The following DNAH9 variants were observed in gnomAD, a reference collection of about 807,000 sequenced individuals.
DNAH9 encodes the protein dynein axonemal heavy chain 9, also known as DNAH9 variant protein.
In DNAH9, 345 loss-of-function variants were observed where a neutral mutation model predicts 471.6. The observed-to-expected ratio is 0.73, with a 90% CI of 0.67 to 0.80. The LOEUF is 0.80. Among genes scored for constraint, DNAH9 ranks in the 30% least tolerant of loss-of-function variants. DNAH9 has a pLI of 0.00. For missense variants in DNAH9, 5,407 were observed against 5,609.2 expected, an observed-to-expected ratio of 0.96 and a Z score of 1.15; for synonymous variants, 2,093 against 2,123.6, an observed-to-expected ratio of 0.99 and a Z score of 0.40.
At chr17:11,757,810 T>A in intron 35 of DNAH9, 118 bp downstream of exon 35, 1 of 1,117,540 alleles carries the variant, frequency 8.9e-7, no homozygotes, top group Non-Finnish European at 1.3e-6. Flanking sequence ...CCCAGAGCGA[T>A]CTCCTCCAGG....
In DNAH9 at chr17:11,617,533, T is replaced by G; in HGVS notation, c.1027T>G (p.Cys343Gly). The G allele has an allele frequency of 1.2e-6, 2 of 1,614,104 alleles. No homozygotes were observed. Among genetic ancestry groups the G allele is most frequent in the Non-Finnish European group, 1.7e-6 (2 of 1,179,962 alleles). The change falls in exon 5 of 69, where the codon TGT (cysteine) becomes GGT (glycine). Residue 343 changes from cysteine to glycine, a missense_variant. By Grantham distance (159) the Cys-to-Gly change is radical (BLOSUM62 -3). Around this residue, in one of 3 missense-constraint regions of DNAH9, gnomAD observed 767 missense variants for 692.5 expected, o/e 1.11. Transcript: ENST00000262442. ...GCTGCGGCCCCTGCTCCACGTGGTC[T>G]GTCTGATTTGGGCCACATGCAAGTC... Reference protein sequence around the residue: ...PQLRPLLHVVCLIWATCKSYR... With the variant: ...PQLRPLLHVVGLIWATCKSYR...
At chr17:11,816,057 C>T (rs1410205402) in intron 45 of DNAH9, among the ~76,000 whole-genome samples, 1 of 152,144 alleles carries the variant, frequency 6.6e-6, no homozygotes, top group South Asian at 2.1e-4. Flanking sequence ...AGAAGACTTA[C>T]CTTAGGCGTT....
At chr17:11,786,859 G>A (rs2150901934) in intron 41 of DNAH9, among the ~76,000 whole-genome samples, 1 of 152,284 alleles carries the variant, frequency 6.6e-6, no homozygotes, top group Non-Finnish European at 1.5e-5. Context: ...TAGCCTGAGT[G>A]GAAACCCCCT....
At chr17:11,639,747 C>T (rs890862264) in intron 9 of DNAH9, among the ~76,000 whole-genome samples, 1 of 152,154 alleles carries the variant, frequency 6.6e-6, no homozygotes, top group Non-Finnish European at 1.5e-5. Context: ...CAGCAGCTCA[C>T]GCCTGTAATC....
chr17:11,852,752 A>G (rs1284642821), intron 49 of DNAH9, among the ~76,000 whole-genome samples: 2 of 149,284 alleles, frequency 1.3e-5, no homozygotes, highest in Non-Finnish European at 3.0e-5. Context: ...AGAGAAGTGC[A>G]TAGAAGTGCA....
chr17:11,948,919 CT>C, intron 67 of DNAH9, among the ~76,000 whole-genome samples: 1 of 152,308 alleles, frequency 6.6e-6, no homozygotes, highest in East Asian at 1.9e-4. Context: ...TCCCCTGGCC[CT>C]CTGTGGACTG....
At chr17:11,778,359 A>G (rs1046972383) in intron 38 of DNAH9, among the ~76,000 whole-genome samples, 3 of 137,468 alleles carry the variant, frequency 2.2e-5, no homozygotes, top group African/African-American at 5.6e-5. Context: ...AAAAAAAAAA[A>G]AAAGAAAAGG....
chr17:11,796,656 T>G (rs1442762512), intron 42 of DNAH9, among the ~76,000 whole-genome samples: 1 of 152,160 alleles, frequency 6.6e-6, no homozygotes, highest in Non-Finnish European at 1.5e-5. Context: ...AGTCTGAACT[T>G]TAGGAGGAAA....
At chr17:11,857,725 A>C (rs1971676639) in intron 50 of DNAH9, among the ~76,000 whole-genome samples, 1 of 152,154 alleles carries the variant, frequency 6.6e-6, no homozygotes, top group Non-Finnish European at 1.5e-5. Flanking sequence ...GGTGAGAGGC[A>C]TTTGTGTTGT....
chr17:11,867,144 T>C (rs1567860851), intron 50 of DNAH9, among the ~76,000 whole-genome samples: 1 of 152,264 alleles, frequency 6.6e-6, no homozygotes, highest in African/African-American at 2.4e-5. Context: ...ACCAGAGCTG[T>C]TCCTATTCAG....
At chr17:11,692,473 C>G (rs1406092380) in intron 20 of DNAH9, among the ~76,000 whole-genome samples, 1 of 152,138 alleles carries the variant, frequency 6.6e-6, no homozygotes, top group Non-Finnish European at 1.5e-5. Flanking sequence ...CAACGGATTA[C>G]TTTTGACATC....
intron 17 of DNAH9, among the ~76,000 whole-genome samples, chr17:11,676,789 G>T (rs936027208): frequency 4.6e-5 from 7 of 151,756 alleles, no homozygotes; most frequent in Non-Finnish European, 1.0e-4. Context: ...TTGTCTGTTT[G>T]CATGCTAACA....
At chr17:11,840,702 A>T (rs1971002803) in intron 49 of DNAH9, among the ~76,000 whole-genome samples, 1 of 152,210 alleles carries the variant, frequency 6.6e-6, no homozygotes, top group African/African-American at 2.4e-5. Context: ...CTAAGTAATC[A>T]CAAGGGTCCA....
rs147799113 is a variant in DNAH9, at chr17:11,883,633, G to A, written c.10854G>A (p.Thr3618=). Reference sequence around the variant, plus strand: ...ATGGATTCAAAATTACCCTGAAAACGTTGGAAGACAGTCTTCTCTCTCGCC... The same window carrying A: ...ATGGATTCAAAATTACCCTGAAAACATTGGAAGACAGTCTTCTCTCTCGCC... ...QQNGFKITLK[T]LEDSLLSRLS... Residue 3618 remains threonine (T), a synonymous_variant, in exon 56 of 69, where the codon ACG becomes ACA. Transcript: ENST00000262442. 1.1e-3 allele frequency: 1,721 copies of A among 1,613,988 alleles called. 11 individuals are homozygous for A. The highest frequency in any genetic ancestry group is 1.2e-3 in the Non-Finnish European group (1,452 of 1,180,020).
At chr17:11,716,185 G>A (rs1209275592) in intron 26 of DNAH9, among the ~76,000 whole-genome samples, 1 of 148,488 alleles carries the variant, frequency 6.7e-6, no homozygotes, top group Non-Finnish European at 1.5e-5. Flanking sequence ...CCGGGTTTAA[G>A]CAATTCTCTG....
chr17:11,898,833 A>G (rs1973305670), intron 59 of DNAH9, among the ~76,000 whole-genome samples: 1 of 152,212 alleles, frequency 6.6e-6, no homozygotes, highest in African/African-American at 2.4e-5. Context: ...GCTCAACCCA[A>G]AAGCTACGTA....
At position 11,712,280 on chromosome 17, in the gene DNAH9, T is replaced by A. The variant is rs193063774; in HGVS notation, c.5553-7054T>A. Reference sequence around the variant, plus strand: ...GTCTGTAGTTGGTTATTTTTTAATTTCTGAATAATATTCAATTTTATAGAT... The same window carrying A: ...GTCTGTAGTTGGTTATTTTTTAATTACTGAATAATATTCAATTTTATAGAT... On this transcript the variant is annotated intron_variant, in intron 26 of 68. Transcript: ENST00000262442. Among the ~76,000 whole-genome samples the A allele has an allele frequency of 9.9e-4, 149 of 150,482 alleles. 3 individuals are homozygous for A. In the East Asian group the frequency reaches 0.026, roughly 26 times the overall value.
intron 24 of DNAH9, among the ~76,000 whole-genome samples, chr17:11,702,407 T>C (rs1375707692): frequency 6.6e-6 from 1 of 152,196 alleles, no homozygotes; most frequent in African/African-American, 2.4e-5. Context: ...ATAGTAGTAG[T>C]GTTGCTCTGT....
intron 31 of DNAH9, among the ~76,000 whole-genome samples, chr17:11,745,492 A>C (rs1265439034): frequency 2.0e-5 from 3 of 152,224 alleles, no homozygotes; most frequent in Non-Finnish European, 4.4e-5. Flanking sequence ...TACCCCTCCC[A>C]GCCTCCTGGA....
Sources: allele counts gnomAD v4.1 joint callset (sites outside exome capture counted in the v4.1 genomes callset), GRCh38; gene constraint gnomAD v4.1.1; regional missense constraint gnomAD v4.1.1; transcripts MANE v1.5; gene names NCBI Gene and HGNC (gene_info 2026-07-23, HGNC 2026-07-21).